NPIPB2: variants seen among roughly 807,000 people sequenced by gnomAD.
NPIPB2 encodes nuclear pore complex-interacting protein family member B2.
Under a neutral mutation model 30.8 loss-of-function variants are expected in NPIPB2, and 27 were observed. That is an observed-to-expected ratio of 0.88 (90% CI 0.65 to 1.21). The LOEUF (loss-of-function observed/expected upper bound fraction) is 1.21. Among genes scored for constraint, NPIPB2 ranks in the 50% most tolerant of loss-of-function variants. The probability of loss-of-function intolerance (pLI) is 0.00; values close to 1 mark genes in which losing one functional copy is unlikely to be tolerated. For synonymous variants in NPIPB2, 147 were observed against 162.0 expected (o/e 0.91, Z 0.70); for missense variants, 440 against 446.2 (o/e 0.99, Z 0.13).
At chr16:11,974,472 G>A (rs147973291) in intron 1 of NPIPB2, among the ~76,000 whole-genome samples, 1,914 of 152,130 alleles carry the variant, frequency 0.013, 42 homozygotes, top group African/African-American at 0.044. Flanking sequence ...AGCCGAGATC[G>A]CGCCATTGCA....
intron 1 of NPIPB2, among the ~76,000 whole-genome samples, chr16:11,964,719 C>T (rs1206798224): frequency 1.8e-4 from 27 of 152,060 alleles, no homozygotes; most frequent in Non-Finnish European, 1.5e-5. Context: ...CCAGCTTACA[C>T]CAGACTACTT....
intron 1 of NPIPB2, among the ~76,000 whole-genome samples, chr16:11,952,046 C>T (rs1233844969): frequency 1.3e-5 from 2 of 151,584 alleles, no homozygotes; most frequent in Admixed American, 1.3e-4. Flanking sequence ...GTAGTCCCAG[C>T]TACTTGGGAG....
chr16:11,949,395 A>T (rs1437368100), intron 1 of NPIPB2, among the ~76,000 whole-genome samples: 1 of 152,172 alleles, frequency 6.6e-6, no homozygotes, highest in African/African-American at 2.4e-5. Flanking sequence ...GGTAGGAGGC[A>T]AAGCAGATTC....
At chr16:11,956,540 G>A (rs1216806085) in intron 1 of NPIPB2, among the ~76,000 whole-genome samples, 2 of 152,172 alleles carry the variant, frequency 1.3e-5, no homozygotes, top group African/African-American at 4.8e-5. Context: ...GCTGGGCGTG[G>A]TGGCAGGCAC....
At chr16:11,945,822 A>G (rs2055001926), upstream of NPIPB2, among the ~76,000 whole-genome samples, 1 of 152,052 alleles carries the variant, frequency 6.6e-6, no homozygotes, top group South Asian at 2.1e-4. Flanking sequence ...GTTCTTACAG[A>G]GTGGAAGGCA....
chr16:11,935,679 A>T (rs2054856106), intron 2 of NPIPB2, among the ~76,000 whole-genome samples: 1 of 151,026 alleles, frequency 6.6e-6, no homozygotes, highest in Non-Finnish European at 1.5e-5. Flanking sequence ...ATAGGATAAA[A>T]AAAAATCATG....
intron 1 of NPIPB2, among the ~76,000 whole-genome samples, chr16:11,954,325 A>C (rs1183519481): frequency 6.6e-6 from 1 of 151,962 alleles, no homozygotes; most frequent in Non-Finnish European, 1.5e-5. Flanking sequence ...CATCTCTGAA[A>C]AAAAATTAGC....
intron 1 of NPIPB2, among the ~76,000 whole-genome samples, chr16:11,950,974 AT>A (rs111585625): frequency 0.058 from 8,742 of 151,956 alleles, 884 homozygotes; most frequent in African/African-American, 0.2. Flanking sequence ...TATATACATG[AT>A]TTTTTTGCAT....
chr16:11,945,070 C>G (rs1447639930), upstream of NPIPB2, among the ~76,000 whole-genome samples: 1 of 151,848 alleles, frequency 6.6e-6, no homozygotes, highest in African/African-American at 2.4e-5. Context: ...GCCTGTAATC[C>G]CAGCTACTCA....
At position 11,927,503 on chromosome 16, in the gene NPIPB2, C is replaced by T. The variant is rs1361966986; in HGVS notation, c.1064G>A (p.Arg355Gln). Residue 355 changes from arginine (R) to glutamine (Q), a missense_variant, in exon 8 of 8, where the codon CGG (arginine) becomes CAG (glutamine). Coordinates refer to ENST00000399147, the Ensembl canonical transcript of NPIPB2. The stretch of plus-strand genomic sequence containing the variant: ...TGGTGATTCCACCTCAGCGGCCCTC[C>T]GCCTCTTGGGTTCGGGTGGTGATTC... The T allele has an allele frequency of 6.6e-6, 10 of 1,516,780 alleles. No individual in the cohort carries two copies. In the Admixed American group the frequency reaches 7.5e-5, roughly 11 times the overall value. The allele number at this position is 1,516,780 out of a possible 1,614,324, so 94.0% of individuals were successfully genotyped here. A position where few individuals can be genotyped will look rare whatever the true frequency, so the allele number is the denominator to read the frequency against.
At chr16:11,967,622 T>C (rs757826517) in intron 1 of NPIPB2, 1 of 1,614,178 alleles carries the variant, frequency 6.2e-7, no homozygotes, top group Non-Finnish European at 8.5e-7. Flanking sequence ...GCAGGACTGG[T>C]GATGAAATTA....
intron 1 of NPIPB2, among the ~76,000 whole-genome samples, chr16:11,972,979 G>A (rs1027345879): frequency 9.2e-5 from 14 of 151,820 alleles, no homozygotes; most frequent in Non-Finnish European, 1.3e-4. Context: ...TGGTCAACAC[G>A]GAGAAATCCT....
chr16:11,965,606 G>T, intron 1 of NPIPB2: 1 of 806,912 alleles, frequency 1.2e-6, no homozygotes, highest in Non-Finnish European at 1.9e-6. Context: ...AATGTTTATG[G>T]AAACAAAGTA....
chr16:11,957,165 C>CTTT (rs34981281), intron 1 of NPIPB2, among the ~76,000 whole-genome samples: 1 of 118,942 alleles, frequency 8.4e-6, no homozygotes, highest in Non-Finnish European at 1.7e-5. Context: ...CTAACTTTTT[C>CTTT]TTTTTTTTTT....
intron 1 of NPIPB2, among the ~76,000 whole-genome samples, chr16:11,969,896 T>C (rs1196940916): frequency 6.6e-6 from 1 of 151,838 alleles, no homozygotes; most frequent in African/African-American, 2.4e-5. Flanking sequence ...TCTTGCTCTG[T>C]TGCCCAGGCT....
At chr16:11,967,848 T>C (rs1038745174) in intron 1 of NPIPB2, 5 of 1,612,668 alleles carry the variant, frequency 3.1e-6, no homozygotes, top group Admixed American at 1.7e-5. Flanking sequence ...TGCTAGGTAA[T>C]TAACCATTTC....
chr16:11,927,668 G>T, exon 8 of NPIPB2: 2 of 1,598,130 alleles, frequency 1.3e-6, no homozygotes, highest in Non-Finnish European at 1.7e-6. Flanking sequence ...ACACTCGGGA[G>T]GTGTCTTGAG....
intron 2 of NPIPB2, among the ~76,000 whole-genome samples, chr16:11,935,348 C>T (rs1360304042): frequency 2.0e-5 from 3 of 152,066 alleles, no homozygotes; most frequent in Admixed American, 6.6e-5. Context: ...CGGAGTGTCA[C>T]TCTCAACCAT....
chr16:11,973,894 G>C (rs1287761782), intron 1 of NPIPB2, among the ~76,000 whole-genome samples: 1 of 152,170 alleles, frequency 6.6e-6, no homozygotes, highest in Non-Finnish European at 1.5e-5. Context: ...GAGCAATAAA[G>C]GATCACTGGA....
Sources: allele counts gnomAD v4.1 joint callset (sites outside exome capture counted in the v4.1 genomes callset), GRCh38; gene constraint gnomAD v4.1.1; transcripts MANE v1.5; gene names NCBI Gene and HGNC (gene_info 2026-07-23, HGNC 2026-07-21).